ROBO2: variants seen among roughly 807,000 people sequenced by gnomAD.
The protein encoded by ROBO2 is roundabout guidance receptor 2, also known as roundabout homolog 2.
ROBO2 carries 53 observed loss-of-function variants against 160.8 expected under a neutral mutation model. The ratio of observed to expected loss-of-function variants is 0.33; its 90% CI spans 0.26 to 0.41. ROBO2 has a LOEUF of 0.41. ROBO2 is among the 10% of genes least tolerant of loss of function. The probability of loss-of-function intolerance (pLI) is 1.00; values close to 1 mark genes in which losing one functional copy is unlikely to be tolerated. For synonymous variants in ROBO2, 664 were observed against 611.7 expected, an observed-to-expected ratio of 1.09 and a Z score of -1.26; for missense variants, 1,577 against 1,722.4, an observed-to-expected ratio of 0.92 and a Z score of 1.49.
At chr3:77,033,909 A>T (rs990822070) in intron 2 of ROBO2, among the ~76,000 whole-genome samples, 1 of 151,966 alleles carries the variant, frequency 6.6e-6, no homozygotes, top group Admixed American at 6.6e-5. Flanking sequence ...TTTTTTCTTA[A>T]ATTACGTTAA....
At position 75,999,986 on chromosome 3, in the gene ROBO2, A is replaced by G. The variant is rs575698369; in HGVS notation, c.109+62384A>G. 2.6e-5 allele frequency among the ~76,000 whole-genome samples: 4 copies of G among 152,328 alleles called. No homozygotes were observed. In the South Asian group the frequency reaches 8.3e-4, roughly 32 times the overall value. ...CAATTCTTTAATAAAAGAAATATTT[A>G]TAAGCAAATATGTTTATATCCAAAT... On this transcript the variant is annotated intron_variant, in intron 2 of 26. Transcript: ENST00000487694.
At chr3:76,720,827 T>C (rs1048636401) in intron 2 of ROBO2, among the ~76,000 whole-genome samples, 3 of 152,216 alleles carry the variant, frequency 2.0e-5, no homozygotes, top group African/African-American at 7.2e-5. Flanking sequence ...TTGGAATTTA[T>C]AATTCTAGTC....
intron 2 of ROBO2, among the ~76,000 whole-genome samples, chr3:76,145,657 A>C (rs2071857559): frequency 6.6e-6 from 1 of 152,026 alleles, no homozygotes; most frequent in Admixed American, 6.6e-5. Context: ...ACAGAAATTT[A>C]CTTATGTATA....
intron 2 of ROBO2, among the ~76,000 whole-genome samples, chr3:75,946,489 G>A (rs1400872250): frequency 2.6e-5 from 4 of 152,016 alleles, no homozygotes; most frequent in Non-Finnish European, 4.4e-5. Context: ...AGGGCTATAA[G>A]GTACACTACT....
chr3:76,974,159 T>A (rs1378541610), intron 2 of ROBO2, among the ~76,000 whole-genome samples: 5 of 152,188 alleles, frequency 3.3e-5, no homozygotes, highest in African/African-American at 1.2e-4. Flanking sequence ...AGTGTGGCAA[T>A]CTTGAAAATA....
chr3:77,043,664 G>A (rs1559890415), intron 1 of ROBO2, among the ~76,000 whole-genome samples: 1 of 151,960 alleles, frequency 6.6e-6, no homozygotes, highest in Admixed American at 6.6e-5. Context: ...TTGTTTTCCA[G>A]CTTTTCTTTA....
chr3:76,761,831 C>T (rs1475093359), intron 2 of ROBO2, among the ~76,000 whole-genome samples: 1 of 151,640 alleles, frequency 6.6e-6, no homozygotes, highest in Non-Finnish European at 1.5e-5. Flanking sequence ...GCTCCATTTC[C>T]TCTTCTACCA....
intron 2 of ROBO2, among the ~76,000 whole-genome samples, chr3:76,172,170 A>G (rs1034298575): frequency 6.6e-6 from 1 of 151,966 alleles, no homozygotes; most frequent in African/African-American, 2.4e-5. Flanking sequence ...AGATGAACTC[A>G]TCATTTTTTT....
At chr3:76,700,592 GTCAT>G (rs781509070) in intron 2 of ROBO2, among the ~76,000 whole-genome samples, 5 of 152,090 alleles carry the variant, frequency 3.3e-5, no homozygotes, top group African/African-American at 7.2e-5. Context: ...TATACAGGGT[GTCAT>G]TCATTTAGTC....
intron 2 of ROBO2, among the ~76,000 whole-genome samples, chr3:76,692,372 G>C (rs72888396): frequency 0.024 from 3,624 of 152,186 alleles, 138 homozygotes; most frequent in African/African-American, 0.077. Context: ...CCCAGTGCTG[G>C]TTACAGGCCT....
chr3:77,103,070 C>G (rs1330167731), intron 2 of ROBO2, among the ~76,000 whole-genome samples: 1 of 152,134 alleles, frequency 6.6e-6, no homozygotes, highest in African/African-American at 2.4e-5. Context: ...GTTCTGAACA[C>G]TGGCGCTCCC....
chr3:76,651,124 A>G (rs1453918085), intron 2 of ROBO2, among the ~76,000 whole-genome samples: 2 of 152,202 alleles, frequency 1.3e-5, no homozygotes, highest in Non-Finnish European at 2.9e-5. Flanking sequence ...GTTGAAAAGC[A>G]TGATGATTTT....
At chr3:77,589,153 A>G (rs565652581) in intron 17 of ROBO2, among the ~76,000 whole-genome samples, 1 of 152,246 alleles carries the variant, frequency 6.6e-6, no homozygotes, top group South Asian at 2.1e-4. Context: ...GTGAAGCATA[A>G]CAAGAGCACA....
chr3:76,347,079 T>G (rs571648397), intron 2 of ROBO2, among the ~76,000 whole-genome samples: 1 of 152,176 alleles, frequency 6.6e-6, no homozygotes, highest in African/African-American at 2.4e-5. Flanking sequence ...ATTATGTCTC[T>G]TTACGTTTAG....
At chr3:76,764,870 T>C (rs2061491838) in intron 2 of ROBO2, among the ~76,000 whole-genome samples, 1 of 151,710 alleles carries the variant, frequency 6.6e-6, no homozygotes, top group Admixed American at 6.6e-5. Context: ...ATATTTTGCC[T>C]TTCTTGATAG....
At chr3:76,412,065 C>A (rs1312753618) in intron 2 of ROBO2, among the ~76,000 whole-genome samples, 1 of 152,126 alleles carries the variant, frequency 6.6e-6, no homozygotes, top group Non-Finnish European at 1.5e-5. Flanking sequence ...GCCTCAGAAT[C>A]ATGGCAGGAA....
At chr3:76,589,466 ATTTTGTTTTC>A (rs1352958092) in intron 2 of ROBO2, among the ~76,000 whole-genome samples, 1 of 152,098 alleles carries the variant, frequency 6.6e-6, no homozygotes, top group African/African-American at 2.4e-5. Context: ...CGCCCGGCTA[ATTTTGTTTTC>A]TATTTTTAGT....
At chr3:77,369,042 C>T (rs1019662584) in intron 2 of ROBO2, among the ~76,000 whole-genome samples, 23 of 152,154 alleles carry the variant, frequency 1.5e-4, no homozygotes, top group African/African-American at 4.6e-4. Context: ...TGGCAAATTA[C>T]AGTTTCACAT....
intron 2 of ROBO2, among the ~76,000 whole-genome samples, chr3:76,009,552 T>G (rs1471826968): frequency 6.6e-6 from 1 of 152,212 alleles, no homozygotes; most frequent in East Asian, 1.9e-4. Flanking sequence ...CATGTTTTTA[T>G]TTGTAGAATA....
Sources: allele counts gnomAD v4.1 joint callset (sites outside exome capture counted in the v4.1 genomes callset), GRCh38; gene constraint gnomAD v4.1.1; transcripts MANE v1.5; gene names NCBI Gene and HGNC (gene_info 2026-07-23, HGNC 2026-07-21).